The following SCIN variants were observed in gnomAD, a reference collection of about 807,000 sequenced individuals.
The protein encoded by SCIN is adseverin.
Under a neutral mutation model 91.8 loss-of-function variants are expected in SCIN, and 91 were observed. That is an observed-to-expected ratio of 0.99 (90% confidence interval 0.84 to 1.18). The LOEUF is 1.18. Ranked by LOEUF, SCIN falls within the 50% of genes most tolerant of loss-of-function variation. The pLI is 0.00. For synonymous variants in SCIN, 367 were observed against 312.6 expected (o/e 1.17, Z -1.84); for missense variants, 1,087 against 863.9 (o/e 1.26, Z -3.24).
chr7:12,614,268 T>C (rs551729172), intron 4 of SCIN, among the ~76,000 whole-genome samples: 1 of 152,318 alleles, frequency 6.6e-6, no homozygotes, highest in South Asian at 2.1e-4. Context: ...TTACATTTTC[T>C]TGATGGCATA....
intron 11 of SCIN, among the ~76,000 whole-genome samples, chr7:12,642,435 G>A (rs1783875914): frequency 6.6e-6 from 1 of 151,884 alleles, no homozygotes; most frequent in South Asian, 2.1e-4. Flanking sequence ...TAAAAACTGT[G>A]TCTTGACCTT....
intron 11 of SCIN, 110 bp downstream of exon 11, chr7:12,640,627 C>A: frequency 2.1e-6 from 2 of 956,692 alleles, no homozygotes; most frequent in South Asian, 2.9e-5. Context: ...TCCCTTCATT[C>A]CTATAATTAA....
intron 3 of SCIN, among the ~76,000 whole-genome samples, chr7:12,591,029 T>C (rs1392868763): frequency 6.6e-6 from 1 of 151,984 alleles, no homozygotes; most frequent in Non-Finnish European, 1.5e-5. Flanking sequence ...TATCCAGCAA[T>C]CTGGGGGGTA....
At chr7:12,648,764 G>A (rs1308668924) in intron 13 of SCIN, among the ~76,000 whole-genome samples, 1 of 152,114 alleles carries the variant, frequency 6.6e-6, no homozygotes, top group Non-Finnish European at 1.5e-5. Flanking sequence ...CTATATATGT[G>A]GGCATTCAAA....
chr7:12,650,046 T>C (rs971133080), intron 14 of SCIN, among the ~76,000 whole-genome samples: 28 of 152,228 alleles, frequency 1.8e-4, no homozygotes, highest in African/African-American at 6.8e-4. Context: ...AGTGGTGATT[T>C]GACGTGCCAC....
intron 3 of SCIN, among the ~76,000 whole-genome samples, chr7:12,603,406 G>C (rs754656071): frequency 6.6e-6 from 1 of 152,042 alleles, no homozygotes; most frequent in Non-Finnish European, 1.5e-5. Context: ...GCCTCTCAAA[G>C]TGCTGGAATT....
At chr7:12,597,439 C>T (rs1042708843) in intron 3 of SCIN, among the ~76,000 whole-genome samples, 1 of 152,174 alleles carries the variant, frequency 6.6e-6, no homozygotes, top group Non-Finnish European at 1.5e-5. Context: ...GAGCAGCAAG[C>T]CTATGCTGAA....
chr7:12,585,114 A>G (rs1461063618), intron 3 of SCIN, among the ~76,000 whole-genome samples: 1 of 152,154 alleles, frequency 6.6e-6, no homozygotes, highest in Non-Finnish European at 1.5e-5. Context: ...TTGAAAAAAC[A>G]GTCTCCACTT....
chr7:12,625,874 A>G (rs1314251814), intron 7 of SCIN, 24 bp downstream of exon 7: 14 of 1,514,218 alleles, frequency 9.2e-6, no homozygotes, highest in African/African-American at 1.4e-5. Context: ...TGAACTGGCT[A>G]GAAAAAAATA....
intron 4 of SCIN, among the ~76,000 whole-genome samples, chr7:12,609,386 A>C (rs1392148680): frequency 6.6e-6 from 1 of 152,170 alleles, no homozygotes; most frequent in Non-Finnish European, 1.5e-5. Flanking sequence ...TTTTTTCGTG[A>C]TCTTTCTTCT....
intron 3 of SCIN, among the ~76,000 whole-genome samples, chr7:12,583,532 A>G (rs1052180232): frequency 2.0e-5 from 3 of 152,148 alleles, no homozygotes; most frequent in African/African-American, 7.2e-5. Flanking sequence ...AGTATATTAG[A>G]TAGTATGGCC....
intron 3 of SCIN, among the ~76,000 whole-genome samples, chr7:12,590,381 C>T (rs911772787): frequency 6.6e-6 from 1 of 151,788 alleles, no homozygotes; most frequent in Admixed American, 6.6e-5. Context: ...AGTAACAGAG[C>T]ATATAGGACA....
chr7:12,636,969 C>G (rs1783764883), intron 10 of SCIN, among the ~76,000 whole-genome samples: 1 of 151,748 alleles, frequency 6.6e-6, no homozygotes, highest in Non-Finnish European at 1.5e-5. Context: ...TATGGGCAAC[C>G]TCTAGAAGCC....
intron 1 of SCIN, among the ~76,000 whole-genome samples, chr7:12,571,827 G>C (rs1377097403): frequency 6.6e-6 from 1 of 152,168 alleles, no homozygotes; most frequent in Non-Finnish European, 1.5e-5. Flanking sequence ...GGCCTTGTGT[G>C]TTCTTTTTCC....
In SCIN at chr7:12,604,659, T is replaced by C. The variant is rs1386487664; in HGVS notation, c.662T>C (p.Ile221Thr). The change falls in exon 4 of 16, where the codon ATA becomes ACA. Residue 221 changes from isoleucine to threonine, a missense_variant. Ile to Thr is a moderately conservative substitution (Grantham distance 89). Transcript: ENST00000297029. ...GAAGGAAGTGAACCCTCAGAACTTA[T>C]AAAGGTATTGTGACTCCTGTTGTTT... ...VEEGSEPSEL[I>T]KVLGEKPELP... is the part of the protein sequence containing the mutation. 1.3e-6 allele frequency: 2 copies of C among 1,551,802 alleles called. No individual in the cohort carries two copies. Among genetic ancestry groups the C allele is most frequent in the African/African-American group, 1.4e-5 (1 of 72,974 alleles).
intron 3 of SCIN, among the ~76,000 whole-genome samples, chr7:12,594,922 C>A (rs1053414305): frequency 6.6e-6 from 1 of 151,990 alleles, no homozygotes. Context: ...TCTTACTCAC[C>A]CCTCTCAGAG....
chr7:12,614,905 G>T (rs755069692), intron 4 of SCIN, among the ~76,000 whole-genome samples: 6 of 152,176 alleles, frequency 3.9e-5, no homozygotes, highest in South Asian at 4.1e-4. Context: ...ATCTGCAAAT[G>T]AACTCTAAGT....
chr7:12,636,165 A>G (rs771150009), intron 10 of SCIN, 30 bp downstream of exon 10: 5 of 1,551,652 alleles, frequency 3.2e-6, no homozygotes, highest in Middle Eastern at 1.7e-4. Flanking sequence ...CAAAACTCAC[A>G]CAAGTTAAAG....
intron 4 of SCIN, among the ~76,000 whole-genome samples, chr7:12,617,032 T>G (rs1233222815): frequency 6.6e-6 from 1 of 152,098 alleles, no homozygotes; most frequent in African/African-American, 2.4e-5. Flanking sequence ...TATAAAATCA[T>G]TAGATCAGTA....
Sources: allele counts gnomAD v4.1 joint callset (sites outside exome capture counted in the v4.1 genomes callset), GRCh38; gene constraint gnomAD v4.1.1; transcripts MANE v1.5; gene names NCBI Gene and HGNC (gene_info 2026-07-23, HGNC 2026-07-21).